FGFR2: variants seen among roughly 807,000 people sequenced by gnomAD.
FGFR2 encodes fibroblast growth factor receptor 2, also known as BEK fibroblast growth factor receptor.
A neutral mutation model predicts 95.9 loss-of-function variants in FGFR2; 19 were observed. The ratio of observed to expected loss-of-function variants is 0.20; its 90% CI spans 0.14 to 0.29. The LOEUF is 0.29. Among genes scored for constraint, FGFR2 ranks in the 10% least tolerant of loss-of-function variants. The pLI is 1.00. For missense variants in FGFR2, 707 were observed against 1,056.9 expected (o/e 0.67, Z 4.59); for synonymous variants, 392 against 393.3 (o/e 1.00, Z 0.04).
intron 2 of FGFR2, among the ~76,000 whole-genome samples, chr10:121,586,241 T>C (rs1861816412): frequency 6.6e-6 from 1 of 152,238 alleles, no homozygotes. Flanking sequence ...GAGCTCAGAA[T>C]TGAGTCCTCT....
chr10:121,513,825 G>A (rs1849352568), intron 9 of FGFR2, among the ~76,000 whole-genome samples: 1 of 152,132 alleles, frequency 6.6e-6, no homozygotes, highest in African/African-American at 2.4e-5. Context: ...AGAAAGACCT[G>A]CTTGAAACAT....
At chr10:121,564,216 A>C in intron 4 of FGFR2, 4 of 484,704 alleles carry the variant, frequency 8.3e-6, no homozygotes, top group Non-Finnish European at 1.1e-5. Context: ...GTCTCTGAAT[A>C]GGGAGAAGTC....
chr10:121,564,212 G>C (rs961952904), intron 4 of FGFR2: 1 of 476,754 alleles, frequency 2.1e-6, no homozygotes, highest in Admixed American at 3.4e-5. Flanking sequence ...TTATGTCTCT[G>C]AATAGGGAGA....
At chr10:121,561,401 G>A in intron 4 of FGFR2, among the ~76,000 whole-genome samples, 2 of 142,292 alleles carry the variant, frequency 1.4e-5, no homozygotes, top group Non-Finnish European at 3.0e-5. Flanking sequence ...TCCAGCCTGG[G>A]CAACAAGAGC....
chr10:121,532,745 C>T (rs1330407234), intron 6 of FGFR2, among the ~76,000 whole-genome samples: 1 of 152,188 alleles, frequency 6.6e-6, no homozygotes, highest in African/African-American at 2.4e-5. Context: ...CCCAAAACTC[C>T]CTTCCAGGTG....
At chr10:121,554,942 C>T (rs1000334254) in intron 4 of FGFR2, among the ~76,000 whole-genome samples, 4 of 152,242 alleles carry the variant, frequency 2.6e-5, no homozygotes, top group East Asian at 1.9e-4. Flanking sequence ...CCCTTTTATA[C>T]CAAGGCTCGT....
intron 5 of FGFR2, among the ~76,000 whole-genome samples, chr10:121,548,245 C>G (rs919477299): frequency 2.1e-5 from 1 of 46,668 alleles, no homozygotes; most frequent in African/African-American, 6.3e-5. Context: ...CGCTTTTGGC[C>G]TTTTTTTTTT....
In FGFR2 at chr10:121,531,773, CACCTGA is replaced by C. The variant is rs1852107039; in HGVS notation, c.748+6813_748+6818del. 6.6e-6 allele frequency among the ~76,000 whole-genome samples: 1 copy of C among 152,126 alleles called. No individual in the cohort carries two copies. The highest frequency in any genetic ancestry group is 2.4e-5 in the African/African-American group (1 of 41,416). ...TTGACACCCCTCTCCACGTAATTTC[CACCTGA>C]ACCTCCAGAGAGGGCATCTGGCACA... On this transcript the variant is annotated intron_variant, in intron 6 of 17. Coordinates refer to ENST00000358487, the MANE Select transcript of FGFR2 (RefSeq NM_000141.5). The surrounding 1 kb of genome is among the most constrained non-coding windows in gnomAD (Gnocchi z 4.5).
chr10:121,568,131 G>A (rs534597589), intron 2 of FGFR2, among the ~76,000 whole-genome samples: 1 of 152,186 alleles, frequency 6.6e-6, no homozygotes, highest in East Asian at 1.9e-4. Context: ...TGAGAAGGAG[G>A]AGAAGACGGC....
chr10:121,579,685 G>A (rs764021813), intron 2 of FGFR2, among the ~76,000 whole-genome samples: 1 of 152,176 alleles, frequency 6.6e-6, no homozygotes, highest in Non-Finnish European at 1.5e-5. Flanking sequence ...CCCTTGAGAT[G>A]AGAACCCCAG....
At chr10:121,575,803 C>T (rs1019349517) in intron 2 of FGFR2, among the ~76,000 whole-genome samples, 1 of 151,632 alleles carries the variant, frequency 6.6e-6, no homozygotes, top group African/African-American at 2.4e-5. Context: ...TTGCAGTGAG[C>T]CGAGATCGTG....
intron 2 of FGFR2, among the ~76,000 whole-genome samples, chr10:121,585,012 C>A (rs1198298262): frequency 9.2e-5 from 14 of 152,016 alleles, no homozygotes; most frequent in Admixed American, 9.2e-4. Context: ...CTCCAATGTT[C>A]TTCGCCGGGC....
intron 4 of FGFR2, chr10:121,564,242 A>T (rs931485162): frequency 2.6e-5 from 14 of 533,652 alleles, no homozygotes; most frequent in Non-Finnish European, 4.7e-5. Flanking sequence ...GAAAAGGGAA[A>T]ATCAAGGAAA....
chr10:121,564,101 G>A lies in FGFR2; in HGVS notation c.454+401C>T, dbSNP rs576777430. Among the ~76,000 whole-genome samples the A allele has an allele frequency of 6.6e-5, 10 of 152,304 alleles. No individual in the cohort carries two copies. In the South Asian group the frequency reaches 1.2e-3, roughly 19 times the overall value. ...CCAAATATTGCCCAATGTGCCGGGAGAGCAAGAATAGGCAATTGCCCCAGT... is the reference window on the plus strand; with the variant it reads ...CCAAATATTGCCCAATGTGCCGGGAAAGCAAGAATAGGCAATTGCCCCAGT... On this transcript the variant is annotated intron_variant, in intron 4 of 17. Transcript: ENST00000358487.
At chr10:121,496,007 G>T (rs1451324727) in intron 13 of FGFR2, among the ~76,000 whole-genome samples, 1 of 152,324 alleles carries the variant, frequency 6.6e-6, no homozygotes, top group South Asian at 2.1e-4. Flanking sequence ...TCTAACCACA[G>T]AGGGTCACCC....
At chr10:121,510,666 G>A (rs141492132) in intron 9 of FGFR2, among the ~76,000 whole-genome samples, 22 of 152,066 alleles carry the variant, frequency 1.4e-4, no homozygotes, top group East Asian at 1.4e-3. Flanking sequence ...TTCCTCCCCC[G>A]AGGCACCCGC....
intron 13 of FGFR2, among the ~76,000 whole-genome samples, chr10:121,492,556 G>A (rs953649151): frequency 3.9e-5 from 6 of 152,218 alleles, no homozygotes; most frequent in Admixed American, 2.0e-4. Flanking sequence ...CCTTCCTTCA[G>A]GCAAGCAGGT....
intron 4 of FGFR2, 72 bp from the exon 5 acceptor site, chr10:121,551,531 TA>T (rs1855410334): frequency 7.2e-7 from 1 of 1,384,750 alleles, no homozygotes. Context: ...TCCAAACAGG[TA>T]AGATCATTTC....
intron 13 of FGFR2, among the ~76,000 whole-genome samples, chr10:121,495,998 C>G (rs1030344620): frequency 2.0e-5 from 3 of 152,204 alleles, no homozygotes; most frequent in African/African-American, 7.2e-5. Context: ...TGGCCAACTT[C>G]TAACCACAGA....
Sources: allele counts gnomAD v4.1 joint callset (sites outside exome capture counted in the v4.1 genomes callset), GRCh38; gene constraint gnomAD v4.1.1; non-coding constraint Gnocchi (gnomAD v3.1); transcripts MANE v1.5; gene names NCBI Gene and HGNC (gene_info 2026-07-23, HGNC 2026-07-21).